The following TIGD4 variants were observed in gnomAD, a reference collection of about 807,000 sequenced individuals.
The protein encoded by TIGD4 is tigger transposable element derived 4.
Under a neutral mutation model 24.9 loss-of-function variants are expected in TIGD4, and 20 were observed. The observed-to-expected ratio is 0.80, with a 90% CI of 0.56 to 1.17. TIGD4 has a LOEUF of 1.17. Ranked by LOEUF, TIGD4 falls within the 50% of genes most tolerant of loss-of-function variation. The pLI, the probability that TIGD4 is intolerant of heterozygous loss-of-function variation, is 0.00. For missense variants in TIGD4, 566 were observed against 591.0 expected, an observed-to-expected ratio of 0.96 and a Z score of 0.44; for synonymous variants, 193 against 211.0, an observed-to-expected ratio of 0.91 and a Z score of 0.74.
intron 1 of TIGD4, among the ~76,000 whole-genome samples, chr4:152,773,731 A>G (rs958528048): frequency 6.6e-6 from 1 of 151,748 alleles, no homozygotes; most frequent in African/African-American, 2.4e-5. Flanking sequence ...TAGCAACTCT[A>G]TCTGTCAGCG....
chr4:152,774,353 C>T (rs76611493), intron 1 of TIGD4, among the ~76,000 whole-genome samples: 2,864 of 152,284 alleles, frequency 0.019, 89 homozygotes, highest in African/African-American at 0.065. Flanking sequence ...TAAAAATAAT[C>T]ACATTTCTAA....
intron 1 of TIGD4, among the ~76,000 whole-genome samples, chr4:152,775,786 T>C (rs777812558): frequency 3.9e-5 from 6 of 152,210 alleles, no homozygotes; most frequent in South Asian, 2.1e-4. Flanking sequence ...TCAGAGTCAA[T>C]TGATTAGCAA....
intron 1 of TIGD4, among the ~76,000 whole-genome samples, chr4:152,775,151 G>A (rs1461425553): frequency 1.3e-5 from 2 of 152,164 alleles, no homozygotes; most frequent in African/African-American, 2.4e-5. Flanking sequence ...TTCTGACTTC[G>A]TGATCCGTTC....
Position 152,771,033 on chromosome 4 carries a change from CTT to C in TIGD4, c.-31_-30del. The C allele has an allele frequency of 5.2e-6, 8 of 1,550,654 alleles. No homozygotes were observed. Among genetic ancestry groups the C allele is most frequent in the Non-Finnish European group, 6.9e-6 (8 of 1,155,846 alleles). On this transcript the variant is annotated 5_prime_UTR_variant, in exon 2 of 2. Transcript: ENST00000304337. ...AGCCAGTGCTTATGTAGAGATTACT[CTT>C]CTTAACTTCCTGGTGACTGTTTCTT...
Position 152,769,654 on chromosome 4 carries a change from A to T in TIGD4, c.1351T>A (p.Phe451Ile), listed in dbSNP as rs1730122251. The change falls in exon 2 of 2, where the codon TTT becomes ATT. Residue 451 changes from phenylalanine to isoleucine, a missense_variant. By Grantham distance (21) the Phe-to-Ile change is conservative. Transcript: ENST00000304337. ...TCATCCTCTTCATCAGAAGTGTAAA[A>T]TCCAGTTTCATCCGATTTACTTTCT... ...TKESKSDETG[F>I]YTSDEEDDDG... 9.9e-6 allele frequency: 16 copies of T among 1,613,190 alleles called. No individual in the cohort carries two copies. The highest frequency in any genetic ancestry group is 1.4e-5 in the Non-Finnish European group (16 of 1,179,558).
intron 1 of TIGD4, among the ~76,000 whole-genome samples, chr4:152,777,432 A>C (rs1158308132): frequency 6.6e-6 from 1 of 152,206 alleles, no homozygotes; most frequent in East Asian, 1.9e-4. Context: ...ATGACAATTC[A>C]GAGAAAAGTA....
intron 1 of TIGD4, among the ~76,000 whole-genome samples, chr4:152,778,150 T>C (rs1055317329): frequency 1.1e-4 from 16 of 152,112 alleles, no homozygotes; most frequent in African/African-American, 3.4e-4. Context: ...GTCTTCACCT[T>C]TCCAAAATAA....
At chr4:152,775,840 A>T (rs914226103) in intron 1 of TIGD4, among the ~76,000 whole-genome samples, 1 of 152,228 alleles carries the variant, frequency 6.6e-6, no homozygotes, top group Non-Finnish European at 1.5e-5. Flanking sequence ...AACATAACAT[A>T]ATCATGGAAG....
At position 152,779,717 on chromosome 4, in the gene TIGD4, C is replaced by G. The variant is rs556752143; in HGVS notation, c.-774G>C. On this transcript the variant is annotated 5_prime_UTR_variant, in exon 1 of 2. Coordinates refer to ENST00000304337, the MANE Select transcript of TIGD4 (RefSeq NM_145720.4). ...CCTTCCGCAAGCTCCCAGCTCTAGC[C>G]GGTGCCTCTGGCCCCGCGCGCATTA... The G allele has an allele frequency of 6.6e-6, 1 of 152,436 alleles. No individual in the cohort carries two copies. Among genetic ancestry groups the G allele is most frequent in the Non-Finnish European group, 1.5e-5 (1 of 68,102 alleles). The allele number at this position is 152,436 out of a possible 1,614,324, so 9.4% of individuals were successfully genotyped here.
chr4:152,770,918 G>T lies in TIGD4; in HGVS notation c.87C>A (p.Ile29=). ...TCTTGCCACTTTCCACTGCATTTAT[G>T]ATGTCGATCTTTTCCTCAATGGATA... is the stretch of plus-strand genomic sequence containing the variant. The part of the protein sequence containing the change: ...KSLSIEEKID[I]INAVESGKKK... The change falls in exon 2 of 2, where the codon ATC becomes ATA. Residue 29 remains isoleucine (I), a synonymous_variant. Coordinates refer to ENST00000304337, the MANE Select transcript of TIGD4 (RefSeq NM_145720.4). The T allele has an allele frequency of 6.2e-7, 1 of 1,613,882 alleles. No individual in the cohort carries two copies. Among genetic ancestry groups the T allele is most frequent in the South Asian group, 1.1e-5 (1 of 91,038 alleles).
intron 1 of TIGD4, among the ~76,000 whole-genome samples, chr4:152,776,457 T>A (rs993817191): frequency 1.3e-5 from 2 of 151,994 alleles, no homozygotes; most frequent in Admixed American, 6.6e-5. Flanking sequence ...AAAATCAGTA[T>A]CAGAAAACAT....
chr4:152,771,843 G>A (rs182968930), intron 1 of TIGD4, among the ~76,000 whole-genome samples: 5 of 152,160 alleles, frequency 3.3e-5, no homozygotes, highest in Admixed American at 3.3e-4. Flanking sequence ...CAAAATTAAA[G>A]AACTAAAAAT....
chr4:152,770,001 A>G lies in TIGD4; in HGVS notation c.1004T>C (p.Ile335Thr). The change falls in exon 2 of 2, where the codon ATC becomes ACC. Residue 335 changes from isoleucine to threonine, a missense_variant. Transcript: ENST00000304337. Reference sequence around the variant, plus strand: ...TTCAACAGAGCTTAAAAATTTCTTGATAAGACAGTGTCGATATTTGATTTT... The same window carrying G: ...TTCAACAGAGCTTAAAAATTTCTTGGTAAGACAGTGTCGATATTTGATTTT... ...SLKIKYRHCL[I>T]KKFLSSVEGS... 2 of 1,610,320 alleles carry G rather than the reference A, an allele frequency of 1.2e-6. No homozygotes were observed. The highest frequency in any genetic ancestry group is 1.7e-5 in the Admixed American group (1 of 59,750).
intron 1 of TIGD4, among the ~76,000 whole-genome samples, chr4:152,774,277 G>C (rs1470860527): frequency 1.3e-5 from 2 of 152,160 alleles, no homozygotes; most frequent in Non-Finnish European, 2.9e-5. Context: ...AGGAAGATTA[G>C]GTTTTTCCCC....
At position 152,769,425 on chromosome 4, in the gene TIGD4, T is replaced by A. The variant is rs759221582; in HGVS notation, c.*41A>T. ...TTTACATACCTTATATAATAAAATG[T>A]ATCAGGAAAAGCTATTACTCTTTAG... On this transcript the variant is annotated 3_prime_UTR_variant, in exon 2 of 2. Transcript: ENST00000304337. 1 of 1,339,328 alleles carries A rather than the reference T, an allele frequency of 7.5e-7. No homozygotes were observed. Among genetic ancestry groups the A allele is most frequent in the Non-Finnish European group, 1.0e-6 (1 of 992,004 alleles). The allele number at this position is 1,339,328 out of a possible 1,614,324, so 83.0% of individuals were successfully genotyped here.
intron 1 of TIGD4, among the ~76,000 whole-genome samples, chr4:152,777,871 G>GT (rs1730284481): frequency 1.3e-5 from 2 of 152,104 alleles, no homozygotes; most frequent in African/African-American, 2.4e-5. Flanking sequence ...AGCTGAAGTA[G>GT]TTTCTAGTGT....
At position 152,769,948 on chromosome 4, in the gene TIGD4, G is replaced by A. The variant is rs147390697; in HGVS notation, c.1057C>T (p.Leu353=). 6.2e-7 allele frequency: 1 copy of A among 1,613,086 alleles called. No individual in the cohort carries two copies. The highest frequency in any genetic ancestry group is 1.7e-5 in the Admixed American group (1 of 59,986). The change falls in exon 2 of 2, where the codon CTA becomes TTA. Residue 353 remains leucine (L), a synonymous_variant. Transcript: ENST00000304337. ...AGATGCAATGTATCAACTGCATCTA[G>A]TAGTGAAAATGTAAATTCTTTGCTA... is the stretch of plus-strand genomic sequence containing the variant. ...EGSKEFTFSL[L]DAVDTLHLCW...
intron 1 of TIGD4, among the ~76,000 whole-genome samples, chr4:152,775,402 G>A (rs1730244054): frequency 6.6e-6 from 1 of 152,110 alleles, no homozygotes; most frequent in Admixed American, 6.5e-5. Flanking sequence ...CTCTGTTTAG[G>A]GTCTCACAAG....
At chr4:152,776,440 T>TA (rs35529608) in intron 1 of TIGD4, among the ~76,000 whole-genome samples, 212 of 149,924 alleles carry the variant, frequency 1.4e-3, no homozygotes, top group East Asian at 2.5e-3. Flanking sequence ...ACCAAGTTAT[T>TA]AAAAAAAAAA....
Sources: allele counts gnomAD v4.1 joint callset (sites outside exome capture counted in the v4.1 genomes callset), GRCh38; gene constraint gnomAD v4.1.1; transcripts MANE v1.5; gene names NCBI Gene and HGNC (gene_info 2026-07-23, HGNC 2026-07-21).